The following SCAMP4 variants were observed in gnomAD, a reference collection of about 807,000 sequenced individuals.
SCAMP4 encodes secretory carrier-associated membrane protein 4.
A neutral mutation model predicts 32.1 loss-of-function variants in SCAMP4; 19 were observed. That is an observed-to-expected ratio of 0.59 (90% CI 0.41 to 0.87). The LOEUF is 0.87. Ranked by LOEUF, SCAMP4 falls within the 40% of genes least tolerant of loss-of-function variation. The pLI, the probability that SCAMP4 is intolerant of heterozygous loss-of-function variation, is 0.00. For synonymous variants in SCAMP4, 152 were observed against 132.7 expected (o/e 1.15, Z -1.00); for missense variants, 302 against 309.0 (o/e 0.98, Z 0.17).
chr19:1,921,830 G>A (rs923740202), intron 5 of SCAMP4: 4 of 984,440 alleles, frequency 4.1e-6, no homozygotes, highest in Non-Finnish European at 4.8e-6. Context: ...AAAAAAAAAA[G>A]AGGAAGGAAT....
At chr19:1,914,904 G>T (rs2013677269) in intron 1 of SCAMP4, 75 bp from the exon 2 acceptor site, 2 of 1,279,226 alleles carry the variant, frequency 1.6e-6, no homozygotes, top group East Asian at 4.6e-5. Flanking sequence ...GGGCTTTTCA[G>T]CCACGGTGGG....
intron 1 of SCAMP4, chr19:1,912,608 C>T (rs1386405581): frequency 5.4e-6 from 8 of 1,481,726 alleles, no homozygotes; most frequent in East Asian, 2.9e-5. Context: ...AGGAGCGCGC[C>T]GCCATGCAGA....
chr19:1,912,613 T>C (rs879302894), intron 1 of SCAMP4: 4 of 1,477,130 alleles, frequency 2.7e-6, no homozygotes, highest in Non-Finnish European at 3.6e-6. Flanking sequence ...CGCGCCGCCA[T>C]GCAGAGCCAC....
intron 4 of SCAMP4, 96 bp from the exon 5 acceptor site, chr19:1,918,793 T>C: frequency 7.0e-7 from 1 of 1,429,654 alleles, no homozygotes; most frequent in Non-Finnish European, 9.4e-7. Context: ...AAATAGAGCC[T>C]CCGCTCTCAC....
chr19:1,919,889 A>G (rs2013865190), intron 5 of SCAMP4, among the ~76,000 whole-genome samples: 2 of 150,752 alleles, frequency 1.3e-5, no homozygotes, highest in African/African-American at 4.9e-5. Flanking sequence ...GGCTCACTGC[A>G]ACCTTCACCT....
At chr19:1,912,462 C>G (rs2013516865) in intron 1 of SCAMP4, 1 of 1,505,124 alleles carries the variant, frequency 6.6e-7, no homozygotes, top group Non-Finnish European at 8.8e-7. Flanking sequence ...CCTGGGGCAA[C>G]CCTTCCTGGT....
At chr19:1,918,773 A>C in intron 4 of SCAMP4, 116 bp from the exon 5 acceptor site, 2 of 1,434,190 alleles carry the variant, frequency 1.4e-6, no homozygotes, top group Non-Finnish European at 1.8e-6. Context: ...AAAAAAAAAA[A>C]AAAGGAATAA....
Position 1,918,158 on chromosome 19 carries a change from T to G in SCAMP4, c.168T>G (p.Ile56Met). 6.2e-7 allele frequency: 1 copy of G among 1,612,968 alleles called. No homozygotes were observed. Among genetic ancestry groups the G allele is most frequent in the Non-Finnish European group, 8.5e-7 (1 of 1,179,768 alleles). ...FYCATLGVNL[I>M]ACLAWWIGGG... is the part of the protein sequence containing the mutation. The stretch of plus-strand genomic sequence containing the variant: ...GCGCCACCCTCGGCGTCAACCTCAT[T>G]GCCTGCCTGGCCTGGTGGATCGGCG... The change falls in exon 4 of 7, where the codon ATT becomes ATG. Residue 56 changes from isoleucine (I) to methionine (M), a missense_variant. Coordinates refer to ENST00000316097, the MANE Select transcript of SCAMP4 (RefSeq NM_079834.4).
Position 1,908,754 on chromosome 19 carries a change from C to T in SCAMP4, c.-42+3315C>T. ...GCTTAAGTGATCCTCTCGCCTTGGTCTCCTGAGTAGCTGGGACTACATGTG... is the reference window on the plus strand; with the variant it reads ...GCTTAAGTGATCCTCTCGCCTTGGTTTCCTGAGTAGCTGGGACTACATGTG... On this transcript the variant is annotated intron_variant, in intron 1 of 6. Coordinates refer to ENST00000316097, the MANE Select transcript of SCAMP4 (RefSeq NM_079834.4). This position sits in a 1 kb window ranked among gnomAD's most constrained non-coding sequence, Gnocchi z 4.2. The T allele has an allele frequency of 2.8e-6, 1 of 362,518 alleles. No individual in the cohort carries two copies. The highest frequency in any genetic ancestry group is 2.1e-5 in the South Asian group (1 of 46,928). 22.5% of individuals were successfully genotyped at this position (362,518 alleles called of 1,614,324 possible).
intron 5 of SCAMP4, chr19:1,922,627 C>T: frequency 1.0e-6 from 1 of 984,634 alleles, no homozygotes; most frequent in Middle Eastern, 5.2e-4. Context: ...ATGTAGGTTT[C>T]AGCAGTTCCC....
chr19:1,920,051 TC>T, intron 5 of SCAMP4: 1 of 673,738 alleles, frequency 1.5e-6, no homozygotes, highest in Non-Finnish European at 1.8e-6. Flanking sequence ...AACCTCGTGA[TC>T]CACCCGCCTC....
chr19:1,919,118 G>T lies in SCAMP4; in HGVS notation c.395+128G>T, dbSNP rs577387707. 225 of 1,497,936 alleles carry T rather than the reference G, an allele frequency of 1.5e-4. 4 individuals are homozygous for T. In the South Asian group the frequency reaches 2.8e-3, roughly 18 times the overall value. The allele number at this position is 1,497,936 out of a possible 1,614,324, so 92.8% of individuals were successfully genotyped here. ...ATTGTACGCGCTCTCCTAGGGAGGG[G>T]TCTGAGCTCACCCTGGCAGCGCCCG... is the stretch of plus-strand genomic sequence containing the variant. On this transcript the variant is annotated intron_variant, in intron 5 of 6. Transcript: ENST00000316097.
At position 1,923,056 on chromosome 19, in the gene SCAMP4, CTT is replaced by C. The variant is rs1370649961; in HGVS notation, c.396-13_396-12del. On this transcript the variant is annotated splice_polypyrimidine_tract_variant and intron_variant, in intron 5 of 6. Transcript: ENST00000316097. ...AGGTGTGCAGGCACCCACGCACTCTCTTGTCCCTTGCAGCGGCTGGCTGTCGG... is the reference window on the plus strand; with the variant it reads ...AGGTGTGCAGGCACCCACGCACTCTCGTCCCTTGCAGCGGCTGGCTGTCGG... The C allele has an allele frequency of 2.6e-6, 4 of 1,545,284 alleles. No homozygotes were observed. The highest frequency in any genetic ancestry group is 3.5e-6 in the Non-Finnish European group (4 of 1,144,012).
intron 1 of SCAMP4, among the ~76,000 whole-genome samples, chr19:1,909,776 A>G (rs2013340210): frequency 6.6e-6 from 1 of 152,198 alleles, no homozygotes; most frequent in African/African-American, 2.4e-5. Flanking sequence ...GTGACTGAGT[A>G]AGCAGGGACA....
chr19:1,922,456 A>G (rs1489323258), intron 5 of SCAMP4: 1 of 823,322 alleles, frequency 1.2e-6, no homozygotes, highest in Non-Finnish European at 1.5e-6. Context: ...GCTGGTCTCC[A>G]GTTCCTGGCC....
At chr19:1,915,140 C>T (rs2013688272) in intron 2 of SCAMP4, 114 bp downstream of exon 2, 2 of 1,295,680 alleles carry the variant, frequency 1.5e-6, no homozygotes, top group Non-Finnish European at 2.2e-6. Context: ...CCTGGCCCAC[C>T]TGGCCTCTGA....
intron 5 of SCAMP4, chr19:1,919,356 A>C (rs1215223809): frequency 2.0e-6 from 2 of 985,070 alleles, no homozygotes; most frequent in African/African-American, 3.5e-5. Context: ...TCGCTGCAGG[A>C]GGAAGACCTG....
At chr19:1,920,201 C>T (rs535004648) in intron 5 of SCAMP4, 20 of 985,354 alleles carry the variant, frequency 2.0e-5, no homozygotes, top group African/African-American at 3.5e-5. Context: ...ACGTCCCCGA[C>T]GTGTCTCCCT....
At chr19:1,917,491 G>A (rs574675849) in intron 2 of SCAMP4, among the ~76,000 whole-genome samples, 176 of 152,118 alleles carry the variant, frequency 1.2e-3, no homozygotes, top group African/African-American at 4.1e-3. Flanking sequence ...GCCTCTTCCC[G>A]TTTCTCTCTG....
Sources: gnomAD v4.1 joint callset for allele counts (sites outside exome capture counted in the v4.1 genomes callset) on GRCh38, gnomAD v4.1.1 for gene constraint, Gnocchi (gnomAD v3.1) non-coding constraint, MANE v1.5 for transcripts, NCBI Gene and HGNC (gene_info 2026-07-23, HGNC 2026-07-21) for gene names.